Variants in CCDC69 observed in about 807,000 individuals in gnomAD.
CCDC69 encodes coiled-coil domain containing 69, also known as coiled-coil domain-containing protein 69.
CCDC69 carries 38 observed loss-of-function variants against 40.3 expected under a neutral mutation model. The ratio of observed to expected loss-of-function variants is 0.94; its 90% CI spans 0.73 to 1.24. The LOEUF (loss-of-function observed/expected upper bound fraction) is 1.24, where lower values mean the gene tolerates loss of function less well. Ranked by LOEUF, CCDC69 falls within the 50% of genes most tolerant of loss-of-function variation. The probability of loss-of-function intolerance (pLI) is 0.00; values close to 1 mark genes in which losing one functional copy is unlikely to be tolerated. For missense variants in CCDC69, 389 were observed against 357.9 expected, an observed-to-expected ratio of 1.09 and a Z score of -0.70; for synonymous variants, 141 against 138.9, an observed-to-expected ratio of 1.02 and a Z score of -0.11.
intron 1 of CCDC69, among the ~76,000 whole-genome samples, chr5:151,210,133 C>T (rs1752910018): frequency 1.3e-5 from 2 of 152,172 alleles, no homozygotes; most frequent in Non-Finnish European, 2.9e-5. Flanking sequence ...AACTATTCTG[C>T]AAATGTGTTA....
At chr5:151,219,442 C>T (rs1753105062) in intron 1 of CCDC69, among the ~76,000 whole-genome samples, 1 of 152,022 alleles carries the variant, frequency 6.6e-6, no homozygotes. Flanking sequence ...TCATCAATTA[C>T]CAGGGTAGGA....
At chr5:151,214,172 G>A (rs541995244) in intron 1 of CCDC69, among the ~76,000 whole-genome samples, 17 of 152,294 alleles carry the variant, frequency 1.1e-4, no homozygotes, top group African/African-American at 4.1e-4. Context: ...GAGCCTGTAG[G>A]GGAGAGGTGA....
intron 2 of CCDC69, among the ~76,000 whole-genome samples, chr5:151,202,784 G>A (rs1752793368): frequency 6.6e-6 from 1 of 152,144 alleles, no homozygotes; most frequent in Non-Finnish European, 1.5e-5. Context: ...GCCACACTGA[G>A]TCTATCAGAT....
chr5:151,193,257 C>T lies in CCDC69; in HGVS notation c.319+5740G>A, dbSNP rs574737791. 1.0e-3 allele frequency among the ~76,000 whole-genome samples: 148 copies of T among 145,842 alleles called. 1 individual carries two copies. Among genetic ancestry groups the T allele is most frequent in the African/African-American group, 3.7e-3 (146 of 39,454 alleles). On this transcript the variant is annotated intron_variant, in intron 4 of 8. Coordinates refer to ENST00000355417, the MANE Select transcript of CCDC69 (RefSeq NM_015621.3). ...GGCCAGATGCGGTGGCTCACACCTGCAATCCCAGCACTTTGGGAGGGAAAG... is the reference window on the plus strand; with the variant it reads ...GGCCAGATGCGGTGGCTCACACCTGTAATCCCAGCACTTTGGGAGGGAAAG...
intron 1 of CCDC69, among the ~76,000 whole-genome samples, chr5:151,206,821 G>T (rs982206763): frequency 6.6e-6 from 1 of 152,042 alleles, no homozygotes; most frequent in African/African-American, 2.4e-5. Context: ...TAGTAGAGAT[G>T]GGGTGGCACT....
intron 1 of CCDC69, among the ~76,000 whole-genome samples, chr5:151,208,745 T>TA (rs1196701356): frequency 6.6e-6 from 1 of 152,228 alleles, no homozygotes; most frequent in Non-Finnish European, 1.5e-5. Context: ...CACGACTGAT[T>TA]AGCTGAACTC....
At position 151,185,536 on chromosome 5, in the gene CCDC69, A is replaced by G; in HGVS notation, c.501T>C (p.Tyr167=). The G allele has an allele frequency of 6.2e-7, 1 of 1,613,946 alleles. No individual in the cohort carries two copies. Among genetic ancestry groups the G allele is most frequent in the African/African-American group, 1.3e-5 (1 of 75,028 alleles). The change falls in exon 7 of 9, where the codon TAT becomes TAC. Residue 167 remains tyrosine, a synonymous_variant. Coordinates refer to ENST00000355417, the MANE Select transcript of CCDC69 (RefSeq NM_015621.3). ...GCTCCCAGAACTGGCTGGGGCTCCC[A>G]TAATCCTAGACAGGGACAGAGTGAC... is the stretch of plus-strand genomic sequence containing the variant. ...SRNYKKHIQD[Y]GSPSQFWEQE...
chr5:151,210,552 AAAAATT>A (rs1457817194), intron 1 of CCDC69: 1 of 152,104 alleles, frequency 6.6e-6, no homozygotes, highest in South Asian at 2.1e-4. Context: ...CCAAAAAATA[AAAAATT>A]AAAATTAAAA....
intron 1 of CCDC69, among the ~76,000 whole-genome samples, chr5:151,220,837 C>A (rs942148397): frequency 1.3e-5 from 2 of 151,978 alleles, no homozygotes; most frequent in Non-Finnish European, 2.9e-5. Flanking sequence ...AGGCTGGTAA[C>A]CTGTTGGGGA....
chr5:151,188,610 AAG>A (rs1394259030), intron 4 of CCDC69, among the ~76,000 whole-genome samples: 9 of 151,454 alleles, frequency 5.9e-5, no homozygotes, highest in Admixed American at 6.6e-5. Flanking sequence ...CCAAAAAAAA[AAG>A]AAGAAAAAAA....
chr5:151,208,445 G>C (rs939068837), intron 1 of CCDC69, among the ~76,000 whole-genome samples: 1 of 152,260 alleles, frequency 6.6e-6, no homozygotes, highest in East Asian at 1.9e-4. Context: ...GCTGGGCACA[G>C]AGCCTGGCAT....
intron 1 of CCDC69, among the ~76,000 whole-genome samples, chr5:151,209,960 G>A (rs1365763480): frequency 6.6e-6 from 1 of 152,130 alleles, no homozygotes; most frequent in Non-Finnish European, 1.5e-5. Flanking sequence ...AGAAAGTACA[G>A]AAAATACATG....
At chr5:151,203,278 G>C (rs1009963203) in intron 2 of CCDC69, among the ~76,000 whole-genome samples, 1 of 151,924 alleles carries the variant, frequency 6.6e-6, no homozygotes, top group Non-Finnish European at 1.5e-5. Context: ...GGGAGGCCGA[G>C]GTGAGCAGAT....
intron 4 of CCDC69, among the ~76,000 whole-genome samples, chr5:151,192,436 A>T (rs963559689): frequency 7.7e-6 from 1 of 130,008 alleles, no homozygotes; most frequent in African/African-American, 2.7e-5. Flanking sequence ...AGATGAATGT[A>T]ACAATTCTTC....
intron 4 of CCDC69, among the ~76,000 whole-genome samples, chr5:151,195,699 A>G (rs1219052602): frequency 1.5e-5 from 2 of 137,364 alleles, no homozygotes; most frequent in Admixed American, 7.6e-5. Context: ...AGCCTGGGGG[A>G]CAGAGTGAGA....
At chr5:151,207,346 C>T (rs1487342107) in intron 1 of CCDC69, among the ~76,000 whole-genome samples, 1 of 152,120 alleles carries the variant, frequency 6.6e-6, no homozygotes, top group Non-Finnish European at 1.5e-5. Flanking sequence ...GGCTGGAGTG[C>T]AGTGGCGCAA....
At chr5:151,202,464 A>C (rs957907413) in intron 2 of CCDC69, among the ~76,000 whole-genome samples, 10 of 152,350 alleles carry the variant, frequency 6.6e-5, no homozygotes, top group Non-Finnish European at 1.0e-4. Context: ...AATCCAAAGA[A>C]GAACTGGCAA....
chr5:151,205,377 C>T (rs1013371061), intron 2 of CCDC69, 23 bp downstream of exon 2: 4 of 1,591,938 alleles, frequency 2.5e-6, no homozygotes, highest in Non-Finnish European at 3.4e-6. Flanking sequence ...GCAGTTGGGG[C>T]CTTTGTGGGG....
chr5:151,184,926 C>T (rs1355789576), intron 7 of CCDC69: 2 of 157,836 alleles, frequency 1.3e-5, no homozygotes, highest in East Asian at 3.7e-4. Flanking sequence ...ACCCTCTTTC[C>T]TTCCTGAGAA....
Sources: allele counts gnomAD v4.1 joint callset (sites outside exome capture counted in the v4.1 genomes callset), GRCh38; gene constraint gnomAD v4.1.1; transcripts MANE v1.5; gene names NCBI Gene and HGNC (gene_info 2026-07-23, HGNC 2026-07-21).